The following KCNQ5 variants were observed in gnomAD, a reference collection of about 807,000 sequenced individuals.
KCNQ5 encodes potassium voltage-gated channel subfamily Q member 5.
Under a neutral mutation model 98.2 loss-of-function variants are expected in KCNQ5, and 30 were observed. The ratio of observed to expected loss-of-function variants is 0.31; its 90% CI spans 0.23 to 0.41. The LOEUF (loss-of-function observed/expected upper bound fraction) is 0.41, where lower values mean the gene tolerates loss of function less well. KCNQ5 is among the 10% of genes least tolerant of loss of function. The pLI is 1.00. For synonymous variants in KCNQ5, 458 were observed against 449.4 expected, an observed-to-expected ratio of 1.02 and a Z score of -0.24; for missense variants, 835 against 1,182.5, an observed-to-expected ratio of 0.71 and a Z score of 4.31.
intron 5 of KCNQ5, among the ~76,000 whole-genome samples, chr6:73,079,836 CTG>C (rs1163554135): frequency 6.6e-6 from 1 of 152,160 alleles, no homozygotes; most frequent in Non-Finnish European, 1.5e-5. Context: ...AAACTGTAAA[CTG>C]AGAAAACAGG....
intron 10 of KCNQ5, among the ~76,000 whole-genome samples, chr6:73,138,569 T>C (rs1047735101): frequency 6.6e-6 from 1 of 152,216 alleles, no homozygotes; most frequent in Admixed American, 6.5e-5. Context: ...GATCTGAAAA[T>C]CTGTCTCACA....
intron 1 of KCNQ5, among the ~76,000 whole-genome samples, chr6:72,975,099 C>A (rs1172997823): frequency 6.6e-6 from 1 of 152,110 alleles, no homozygotes; most frequent in Admixed American, 6.6e-5. Context: ...CAACTATGCA[C>A]CTAAAACAGT....
rs1765707548 is a variant in KCNQ5 at position 73,194,452 on chromosome 6, G to A, written c.1837G>A (p.Val613Ile). 3 of 1,611,410 alleles carry A rather than the reference G, an allele frequency of 1.9e-6. No homozygotes were observed. The highest frequency in any genetic ancestry group is 2.5e-6 in the Non-Finnish European group (3 of 1,178,284). Residue 613 changes from valine (V) to isoleucine (I), a missense_variant and splice_region_variant, in exon 14 of 14, where the codon GTA becomes ATA. By Grantham distance (29) the Val-to-Ile change is conservative. Transcript: ENST00000370398. Reference sequence around the variant, plus strand: ...GTGTAACCATTTTCCTCACTTCTAGGTACAGTCCATAGAATCCAAGCTGGA... The same window carrying A: ...GTGTAACCATTTTCCTCACTTCTAGATACAGTCCATAGAATCCAAGCTGGA... ...LGRVVKVEKQ[V>I]QSIESKLDCL...
intron 7 of KCNQ5, among the ~76,000 whole-genome samples, chr6:73,118,972 G>T (rs1278436490): frequency 6.6e-6 from 1 of 152,220 alleles, no homozygotes; most frequent in Non-Finnish European, 1.5e-5. Flanking sequence ...AGACAGCCAA[G>T]ATTGTGCCAC....
intron 5 of KCNQ5, among the ~76,000 whole-genome samples, chr6:73,103,184 A>G (rs1036035271): frequency 3.3e-5 from 5 of 152,176 alleles, no homozygotes; most frequent in African/African-American, 4.8e-5. Flanking sequence ...TTTGTTGAGT[A>G]AAATAAGCCA....
intron 1 of KCNQ5, among the ~76,000 whole-genome samples, chr6:72,718,193 A>G (rs918230798): frequency 1.3e-5 from 2 of 152,234 alleles, no homozygotes; most frequent in Admixed American, 6.5e-5. Context: ...CTTGGCAGTC[A>G]GTATTTACTG....
chr6:72,924,636 C>T (rs992888215), intron 1 of KCNQ5, among the ~76,000 whole-genome samples: 3 of 151,808 alleles, frequency 2.0e-5, no homozygotes, highest in Non-Finnish European at 4.4e-5. Context: ...CTTCCCTTCC[C>T]AGAGCTATGC....
At chr6:73,033,417 A>C (rs1771237433) in intron 2 of KCNQ5, among the ~76,000 whole-genome samples, 1 of 152,212 alleles carries the variant, frequency 6.6e-6, no homozygotes, top group Non-Finnish European at 1.5e-5. Flanking sequence ...ATTACTTTTC[A>C]GGAGCAGATT....
chr6:72,949,790 C>T (rs1423762748), intron 1 of KCNQ5, among the ~76,000 whole-genome samples: 2 of 152,162 alleles, frequency 1.3e-5, no homozygotes, highest in Non-Finnish European at 2.9e-5. Flanking sequence ...GCTGCTCCCA[C>T]AAAAATTACA....
intron 2 of KCNQ5, among the ~76,000 whole-genome samples, chr6:73,031,625 C>T (rs771477853): frequency 2.2e-4 from 34 of 152,114 alleles, no homozygotes; most frequent in Non-Finnish European, 4.0e-4. Context: ...ATTTCTGGCA[C>T]GAGATTTTGT....
intron 1 of KCNQ5, among the ~76,000 whole-genome samples, chr6:72,658,869 C>T (rs953931073): frequency 3.9e-5 from 6 of 152,060 alleles, no homozygotes; most frequent in Non-Finnish European, 8.8e-5. Flanking sequence ...CATGAGCCAC[C>T]TCGCCCAGCC....
intron 1 of KCNQ5, among the ~76,000 whole-genome samples, chr6:72,744,497 A>C (rs1472981837): frequency 6.6e-6 from 1 of 152,184 alleles, no homozygotes; most frequent in Non-Finnish European, 1.5e-5. Flanking sequence ...ATAGACAGCT[A>C]TACAAAAGTG....
chr6:72,930,084 A>G (rs538525499), intron 1 of KCNQ5, among the ~76,000 whole-genome samples: 1 of 152,064 alleles, frequency 6.6e-6, no homozygotes, highest in South Asian at 2.1e-4. Context: ...ATGAATGACC[A>G]TTTTTTAAGC....
chr6:73,042,315 T>C, intron 3 of KCNQ5: 1 of 490,384 alleles, frequency 2.0e-6, no homozygotes, highest in Non-Finnish European at 3.7e-6. Flanking sequence ...AGTTGCTGAA[T>C]GTCATACAGC....
At chr6:73,126,423 A>G (rs1485531784) in intron 9 of KCNQ5, among the ~76,000 whole-genome samples, 2 of 152,264 alleles carry the variant, frequency 1.3e-5, no homozygotes, top group Non-Finnish European at 2.9e-5. Context: ...TTAGCACAGC[A>G]GAAAACAAAG....
chr6:72,817,182 G>A (rs940482205), intron 1 of KCNQ5, among the ~76,000 whole-genome samples: 2 of 152,150 alleles, frequency 1.3e-5, no homozygotes, highest in Admixed American at 1.3e-4. Context: ...ACAAATTAAT[G>A]TAGTTATTGT....
chr6:72,783,824 T>C lies in KCNQ5; in HGVS notation c.398+161237T>C, dbSNP rs1052543265. Among the ~76,000 whole-genome samples the C allele has an allele frequency of 3.9e-5, 6 of 152,210 alleles. No homozygotes were observed. In the South Asian group the frequency reaches 8.3e-4, roughly 21 times the overall value. ...GCTGTAGTCTGGGCATCTTTTCAAC[T>C]TTCCTTTGTTGACTTGGCTGTTTTT... On this transcript the variant is annotated intron_variant, in intron 1 of 13. Transcript: ENST00000370398.
intron 3 of KCNQ5, among the ~76,000 whole-genome samples, chr6:73,058,528 A>AGT (rs1772631055): frequency 3.9e-5 from 6 of 152,224 alleles, no homozygotes; most frequent in African/African-American, 1.4e-4. Context: ...TGCAGCAAAA[A>AGT]CAAAAATTGA....
chr6:73,119,204 T>C (rs1416357415), intron 7 of KCNQ5, among the ~76,000 whole-genome samples: 1 of 152,136 alleles, frequency 6.6e-6, no homozygotes, highest in Non-Finnish European at 1.5e-5. Flanking sequence ...GGTCGGGCAA[T>C]CTCTCAAATG....
Sources: allele counts gnomAD v4.1 joint callset (sites outside exome capture counted in the v4.1 genomes callset), GRCh38; gene constraint gnomAD v4.1.1; transcripts MANE v1.5; gene names NCBI Gene and HGNC (gene_info 2026-07-23, HGNC 2026-07-21).